The following MCM10 variants were observed in gnomAD, a reference collection of about 807,000 sequenced individuals.
MCM10 encodes minichromosome maintenance 10 replication initiation factor, also known as protein MCM10 homolog.
In MCM10, 91 loss-of-function variants were observed where a neutral mutation model predicts 109.9. That is an observed-to-expected ratio of 0.83 (90% CI 0.70 to 0.99). The LOEUF is 0.99. MCM10 is among the 50% of genes least tolerant of loss of function. The pLI, the probability that MCM10 is intolerant of heterozygous loss-of-function variation, is 0.00. For synonymous variants in MCM10, 380 were observed against 387.2 expected (o/e 0.98, Z 0.22); for missense variants, 1,077 against 1,061.2 (o/e 1.01, Z -0.21).
At chr10:13,176,994 C>T (rs964850616) in intron 6 of MCM10, among the ~76,000 whole-genome samples, 1 of 152,188 alleles carries the variant, frequency 6.6e-6, no homozygotes, top group Non-Finnish European at 1.5e-5. Flanking sequence ...AAACAGAATA[C>T]AGCAGTAGAA....
In MCM10 at chr10:13,209,077, C is replaced by G. The variant is rs774748626; in HGVS notation, c.2499-14C>G. 5.7e-5 allele frequency: 92 copies of G among 1,605,566 alleles called. No homozygotes were observed. The Middle Eastern group carries it at 9.9e-4, about 17-fold the overall frequency. On this transcript the variant is annotated splice_polypyrimidine_tract_variant and intron_variant, in intron 18 of 19. Coordinates refer to ENST00000378714, the MANE Select transcript of MCM10 (RefSeq NM_018518.5). ...ACACCACCCTGCTGAGTAAATCCAT[C>G]TGTTCTGTTTCAGTAACTGTGGCCT...
At chr10:13,181,256 T>G (rs570193095) in intron 7 of MCM10, among the ~76,000 whole-genome samples, 1 of 152,282 alleles carries the variant, frequency 6.6e-6, no homozygotes, top group Non-Finnish European at 1.5e-5. Context: ...TTGATTAGAT[T>G]GAAAATCTCT....
intron 5 of MCM10, among the ~76,000 whole-genome samples, chr10:13,174,301 G>T (rs1010073825): frequency 1.3e-5 from 2 of 151,844 alleles, no homozygotes; most frequent in African/African-American, 4.8e-5. Flanking sequence ...AGCTAATGTT[G>T]TATTTTTAGT....
intron 8 of MCM10, 145 bp from the exon 9 acceptor site, chr10:13,186,018 TC>T (rs1226175458): frequency 1.8e-6 from 1 of 563,278 alleles, no homozygotes; most frequent in Admixed American, 2.5e-5. Context: ...TGCCTCGGCC[TC>T]CCAGAGTGCT....
chr10:13,162,541 A>G (rs1833940847), intron 1 of MCM10, among the ~76,000 whole-genome samples: 1 of 152,198 alleles, frequency 6.6e-6, no homozygotes, highest in African/African-American at 2.4e-5. Context: ...CTGGCAGTGA[A>G]GTTGGAGAGA....
Position 13,210,414 on chromosome 10 carries a change from A to G in MCM10, c.*1104A>G, listed in dbSNP as rs1481506081. 1 of 152,160 alleles carries G rather than the reference A, an allele frequency of 6.6e-6. No individual in the cohort carries two copies. The highest frequency in any genetic ancestry group is 1.5e-5 in the Non-Finnish European group (1 of 68,044). 9.4% of individuals were successfully genotyped at this position (152,160 alleles called of 1,614,324 possible). ...ATCTGGGCAACCTGGTTTTCCAAATATCATTTGACCTAAGTGAATGTTGAT... is the reference window on the plus strand; with the variant it reads ...ATCTGGGCAACCTGGTTTTCCAAATGTCATTTGACCTAAGTGAATGTTGAT... On this transcript the variant is annotated 3_prime_UTR_variant, in exon 20 of 20. Transcript: ENST00000378714.
In MCM10 at chr10:13,171,012, C is replaced by T. The variant is rs952899937; in HGVS notation, c.98C>T (p.Thr33Met). ...DCNSEENNFLTRENGEPDAFD... is the reference protein window; with the variant it reads ...DCNSEENNFLMRENGEPDAFD... The stretch of plus-strand genomic sequence containing the variant: ...AATTCAGAAGAAAATAACTTCTTGA[C>T]GCGGGAAAATGGCGAGCCCGACGCA... The change falls in exon 3 of 20, where the codon ACG becomes ATG. Residue 33 changes from threonine to methionine, a missense_variant. Thr to Met is a moderately conservative substitution (Grantham distance 81). Transcript: ENST00000378714. 4 of 1,614,158 alleles carry T rather than the reference C, an allele frequency of 2.5e-6. No homozygotes were observed. The highest frequency in any genetic ancestry group is 1.3e-5 in the African/African-American group (1 of 75,040).
rs200325167 is a variant in MCM10 at position 13,170,673 on chromosome 10, G to GTT, written c.8-242_8-241dup. Among the ~76,000 whole-genome samples, 300 of 151,274 alleles carry GTT rather than the reference G, an allele frequency of 2.0e-3. 1 individual carries two copies. Among genetic ancestry groups the GTT allele is most frequent in the African/African-American group, 7.0e-3 (290 of 41,344 alleles). On this transcript the variant is annotated intron_variant, in intron 2 of 19. Coordinates refer to ENST00000378714, the MANE Select transcript of MCM10 (RefSeq NM_018518.5). Reference sequence around the variant, plus strand: ...CAAAATGGTGCATCTGTAGGTTTTTGTTTTTTTTGTTTGTTTGTTTGTTTG... The same window carrying GTT: ...CAAAATGGTGCATCTGTAGGTTTTTGTTTTTTTTTTGTTTGTTTGTTTGTTTG...
intron 15 of MCM10, 88 bp from the exon 16 acceptor site, chr10:13,198,601 G>A (rs1356163816): frequency 3.7e-6 from 3 of 811,696 alleles, no homozygotes; most frequent in South Asian, 2.9e-5. Flanking sequence ...GGCAGAGGAG[G>A]AGGGAGTGGG....
intron 8 of MCM10, among the ~76,000 whole-genome samples, chr10:13,183,866 T>C (rs1413162640): frequency 1.3e-5 from 2 of 152,008 alleles, no homozygotes; most frequent in Non-Finnish European, 2.9e-5. Context: ...TGTGGTTTTT[T>C]TGTGTGTATG....
intron 3 of MCM10, among the ~76,000 whole-genome samples, chr10:13,171,608 G>A (rs1473877816): frequency 1.2e-4 from 19 of 152,196 alleles, no homozygotes; most frequent in Admixed American, 1.2e-3. Flanking sequence ...TTTGAGCAGA[G>A]CATTCCTGAA....
chr10:13,209,316 A>C lies in MCM10; in HGVS notation c.*6A>C. 6.2e-7 allele frequency: 1 copy of C among 1,610,968 alleles called. No individual in the cohort carries two copies. The highest frequency in any genetic ancestry group is 1.7e-5 in the Admixed American group (1 of 59,998). ...TTCTGAACAGCCTTAAATAACCCGAACTTCAGACATTTTCCCACAGACTTC... is the reference window on the plus strand; with the variant it reads ...TTCTGAACAGCCTTAAATAACCCGACCTTCAGACATTTTCCCACAGACTTC... On this transcript the variant is annotated 3_prime_UTR_variant, in exon 20 of 20. Transcript: ENST00000378714.
chr10:13,195,602 ATTTATTTATTTATTTAT>A (rs1355950105), intron 14 of MCM10: 1 of 60,846 alleles, frequency 1.6e-5, no homozygotes, highest in Non-Finnish European at 4.0e-5. Flanking sequence ...TTATTTATTT[ATTTATTTATTTATTTAT>A]TTATTTTTTG....
chr10:13,165,220 G>A (rs952737029), intron 2 of MCM10, among the ~76,000 whole-genome samples: 3 of 152,102 alleles, frequency 2.0e-5, no homozygotes, highest in Admixed American at 2.0e-4. Context: ...TAATAAAATG[G>A]AACAATTATG....
In MCM10 at chr10:13,181,807, T is replaced by A. The variant is rs1244911647; in HGVS notation, c.931-1126T>A. On this transcript the variant is annotated intron_variant, in intron 7 of 19. Coordinates refer to ENST00000378714, the MANE Select transcript of MCM10 (RefSeq NM_018518.5). ...TACTTCATAAGTGGCTGTAATGACA[T>A]AATAATAATAGACACGAGAATTTAT... Among the ~76,000 whole-genome samples the A allele has an allele frequency of 2.6e-5, 4 of 152,160 alleles. No homozygotes were observed. The East Asian group carries it at 7.7e-4, about 29-fold the overall frequency.
rs1384727466 is a variant in MCM10 at position 13,172,436 on chromosome 10, C to T, written c.410C>T (p.Thr137Ile). The T allele has an allele frequency of 1.2e-6, 2 of 1,614,022 alleles. No homozygotes were observed. Among genetic ancestry groups the T allele is most frequent in the Non-Finnish European group, 8.5e-7 (1 of 1,180,032 alleles). ...KALQEQLKVT[T>I]IKQTASPARL... ...TTACAAGAGCAGCTAAAAGTAACAACAATTAAACAGACAGCAAGCCCAGCC... is the reference window on the plus strand; with the variant it reads ...TTACAAGAGCAGCTAAAAGTAACAATAATTAAACAGACAGCAAGCCCAGCC... The change falls in exon 4 of 20, where the codon ACA (threonine) becomes ATA (isoleucine). Residue 137 changes from threonine (T) to isoleucine (I), a missense_variant. Coordinates refer to ENST00000378714, the MANE Select transcript of MCM10 (RefSeq NM_018518.5). This position sits in a 1 kb window ranked among gnomAD's most constrained non-coding sequence, Gnocchi z 5.2.
In MCM10 at chr10:13,197,686, A is replaced by G; in HGVS notation, c.2038A>G (p.Ile680Val). The G allele has an allele frequency of 1.2e-6, 2 of 1,614,124 alleles. No homozygotes were observed. Among genetic ancestry groups the G allele is most frequent in the Non-Finnish European group, 1.7e-6 (2 of 1,180,006 alleles). ...QVLTKTNPNS[I>V]KKKQKDPQDI... ...TCTTACAAAAACAAACCCAAACAGC[A>G]TTAAGAAGAAACAAAAGGACCCTCA... The change falls in exon 15 of 20, where the codon ATT becomes GTT. Residue 680 changes from isoleucine to valine, a missense_variant. Coordinates refer to ENST00000378714, the MANE Select transcript of MCM10 (RefSeq NM_018518.5).
intron 2 of MCM10, among the ~76,000 whole-genome samples, chr10:13,167,150 A>T (rs1175454882): frequency 2.0e-5 from 3 of 152,032 alleles, no homozygotes; most frequent in Admixed American, 2.0e-4. Context: ...AAATAAATAA[A>T]CAAACAAAAA....
At chr10:13,173,402 A>C (rs1032870468) in intron 5 of MCM10, among the ~76,000 whole-genome samples, 1 of 152,210 alleles carries the variant, frequency 6.6e-6, no homozygotes. Flanking sequence ...GTATCAAATC[A>C]AAAGGGCTGT....
Sources: gnomAD v4.1 joint callset for allele counts (sites outside exome capture counted in the v4.1 genomes callset) on GRCh38, gnomAD v4.1.1 for gene constraint, Gnocchi (gnomAD v3.1) non-coding constraint, MANE v1.5 for transcripts, NCBI Gene and HGNC (gene_info 2026-07-23, HGNC 2026-07-21) for gene names.